Variants in BMP7 observed in about 807,000 individuals in gnomAD.
BMP7 encodes the protein osteogenic protein 1.
In BMP7, 12 loss-of-function variants were observed where a neutral mutation model predicts 41.2. The ratio of observed to expected loss-of-function variants is 0.29; its 90% confidence interval spans 0.19 to 0.47. The LOEUF is 0.47. Among genes scored for constraint, BMP7 ranks in the 20% least tolerant of loss-of-function variants. The pLI is 0.99. For missense variants in BMP7, 467 were observed against 606.0 expected (o/e 0.77, Z 2.41); for synonymous variants, 248 against 250.0 (o/e 0.99, Z 0.07).
intron 1 of BMP7, among the ~76,000 whole-genome samples, chr20:57,255,151 A>C (rs1016907320): frequency 2.0e-5 from 3 of 151,938 alleles, no homozygotes; most frequent in Non-Finnish European, 4.4e-5. Context: ...CATCTCCTCC[A>C]CGCTCCCCGC....
chr20:57,195,066 C>T (rs1245115486), intron 3 of BMP7, among the ~76,000 whole-genome samples: 2 of 152,208 alleles, frequency 1.3e-5, no homozygotes, highest in African/African-American at 4.8e-5. Flanking sequence ...GAGGACAGGG[C>T]CCAGCCGTGC....
At chr20:57,202,676 A>G (rs1019452925) in intron 2 of BMP7, 53 bp from the exon 3 acceptor site, 36 of 1,541,006 alleles carry the variant, frequency 2.3e-5, no homozygotes, top group Non-Finnish European at 2.7e-5. Flanking sequence ...TCACAGCTCC[A>G]CTACCCCAAC....
intron 3 of BMP7, among the ~76,000 whole-genome samples, chr20:57,193,971 C>T (rs1256097606): frequency 1.3e-5 from 2 of 152,154 alleles, no homozygotes; most frequent in Admixed American, 1.3e-4. Context: ...TGGTGCGGAC[C>T]CCACAGCCAT....
intron 2 of BMP7, among the ~76,000 whole-genome samples, chr20:57,227,581 C>T (rs545295557): frequency 9.9e-5 from 15 of 152,256 alleles, no homozygotes; most frequent in African/African-American, 2.2e-4. Context: ...TGACAGCCTG[C>T]GGGGTCCAGC....
intron 4 of BMP7, among the ~76,000 whole-genome samples, chr20:57,181,777 C>T (rs1177699473): frequency 6.6e-6 from 1 of 152,176 alleles, no homozygotes; most frequent in Admixed American, 6.5e-5. Context: ...GTGCTCTGTG[C>T]TTACATGGCT....
Position 57,266,093 on chromosome 20 carries a change from C to T in BMP7, c.30G>A (p.Ala10=). ...CCCAGAGCGCCACGAAGCTGTGCGG[C>T]GCCGCAGCTCGCAGTGAGCGCACGT... MHVRSLRAA[A]PHSFVALWAP... is the part of the protein sequence containing the mutation. Residue 10 remains alanine, a synonymous_variant, in exon 1 of 7, where the codon GCG becomes GCA. Coordinates refer to ENST00000395863, the MANE Select transcript of BMP7 (RefSeq NM_001719.3). 3 of 1,536,412 alleles carry T rather than the reference C, an allele frequency of 2.0e-6. No individual in the cohort carries two copies. Among genetic ancestry groups the T allele is most frequent in the Non-Finnish European group, 2.6e-6 (3 of 1,146,436 alleles).
intron 3 of BMP7, among the ~76,000 whole-genome samples, chr20:57,192,814 T>G (rs577971969): frequency 6.6e-6 from 1 of 151,994 alleles, no homozygotes; most frequent in Non-Finnish European, 1.5e-5. Context: ...AAACATATAA[T>G]GTTTGCAATA....
intron 1 of BMP7, among the ~76,000 whole-genome samples, chr20:57,254,713 CCCT>C (rs2066127765): frequency 6.6e-6 from 1 of 151,936 alleles, no homozygotes; most frequent in Non-Finnish European, 1.5e-5. Flanking sequence ...ATTCCATATC[CCCT>C]CCCAGAGCTA....
intron 3 of BMP7, among the ~76,000 whole-genome samples, chr20:57,195,010 A>G (rs1984459481): frequency 6.6e-6 from 1 of 152,238 alleles, no homozygotes; most frequent in African/African-American, 2.4e-5. Context: ...ATAGAGGGAA[A>G]GGCCTTCTAA....
intron 1 of BMP7, among the ~76,000 whole-genome samples, chr20:57,235,886 G>C (rs899531563): frequency 6.6e-6 from 1 of 152,178 alleles, no homozygotes; most frequent in African/African-American, 2.4e-5. Flanking sequence ...ATAGAGGACT[G>C]GTGACCCTGT....
At chr20:57,203,571 A>G (rs1242251779) in intron 2 of BMP7, among the ~76,000 whole-genome samples, 2 of 152,192 alleles carry the variant, frequency 1.3e-5, no homozygotes, top group African/African-American at 4.8e-5. Flanking sequence ...ATGAATGGGT[A>G]GATGAGTAGA....
At chr20:57,241,385 T>C (rs974865117) in intron 1 of BMP7, among the ~76,000 whole-genome samples, 3 of 152,204 alleles carry the variant, frequency 2.0e-5, no homozygotes, top group Non-Finnish European at 4.4e-5. Flanking sequence ...ATGCCAGTCC[T>C]TGAGGGAGGG....
At chr20:57,255,960 G>C (rs1313754748) in intron 1 of BMP7, among the ~76,000 whole-genome samples, 1 of 152,174 alleles carries the variant, frequency 6.6e-6, no homozygotes, top group Non-Finnish European at 1.5e-5. Flanking sequence ...TTAGCCAGGA[G>C]CAGAGTAATG....
chr20:57,174,294 TCCAGTACCTAGAACAGGGC>T lies in BMP7; in HGVS notation c.1035+618_1035+636del, dbSNP rs2123057270. 6.6e-6 allele frequency among the ~76,000 whole-genome samples: 1 copy of T among 152,166 alleles called. No individual in the cohort carries two copies. The highest frequency in any genetic ancestry group is 2.4e-5 in the African/African-American group (1 of 41,520). On this transcript the variant is annotated intron_variant, in intron 5 of 6. Transcript: ENST00000395863. This position sits in a 1 kb window ranked among gnomAD's most constrained non-coding sequence, Gnocchi z 4.3. ...GCAGTGTTCATCGCTGCATCTCCAA[TCCAGTACCTAGAACAGGGC>T]CCAGAACGCTGCAGATGCTGCATGA...
chr20:57,226,029 G>T, intron 2 of BMP7: 2 of 452,014 alleles, frequency 4.4e-6, no homozygotes, highest in Non-Finnish European at 4.6e-6. Context: ...CACTAGAATG[G>T]GCACCCCCAG....
chr20:57,177,355 A>ATT (rs11432352), intron 4 of BMP7, among the ~76,000 whole-genome samples: 39 of 150,866 alleles, frequency 2.6e-4, no homozygotes, highest in African/African-American at 7.1e-4. Context: ...TTCATCAGCA[A>ATT]TTTTTTTTTT....
intron 3 of BMP7, among the ~76,000 whole-genome samples, chr20:57,189,333 A>G (rs779345522): frequency 6.6e-6 from 1 of 152,188 alleles, no homozygotes; most frequent in Non-Finnish European, 1.5e-5. Flanking sequence ...GCGACCTCCC[A>G]TCCATCCCCA....
chr20:57,181,255 A>C (rs6127967), intron 4 of BMP7, among the ~76,000 whole-genome samples: 2 of 151,992 alleles, frequency 1.3e-5, no homozygotes, highest in Non-Finnish European at 2.9e-5. Context: ...CTGTAATCTC[A>C]GTACTTTGGG....
intron 4 of BMP7, 46 bp from the exon 5 acceptor site, chr20:57,175,053 G>T: frequency 6.4e-7 from 1 of 1,565,760 alleles, no homozygotes; most frequent in South Asian, 1.1e-5. Context: ...TGAGGAGAAA[G>T]AAACACACAC....
Sources: allele counts gnomAD v4.1 joint callset (sites outside exome capture counted in the v4.1 genomes callset), GRCh38; gene constraint gnomAD v4.1.1; non-coding constraint Gnocchi (gnomAD v3.1); transcripts MANE v1.5; gene names NCBI Gene and HGNC (gene_info 2026-07-23, HGNC 2026-07-21).